The following MYO3B variants were observed in gnomAD, a reference collection of about 807,000 sequenced individuals.
MYO3B encodes myosin-IIIb.
A neutral mutation model predicts 174.6 loss-of-function variants in MYO3B; 156 were observed. That is an observed-to-expected ratio of 0.89 (90% CI 0.78 to 1.02). The LOEUF is 1.02. Among genes scored for constraint, MYO3B ranks in the 50% least tolerant of loss-of-function variants. The probability of loss-of-function intolerance (pLI) is 0.00; values close to 1 mark genes in which losing one functional copy is unlikely to be tolerated. For missense variants in MYO3B, 1,632 were observed against 1,639.4 expected (o/e 1.00, Z 0.08); for synonymous variants, 563 against 569.1 (o/e 0.99, Z 0.15).
chr2:170,632,114 A>G (rs2105387996), intron 32 of MYO3B, among the ~76,000 whole-genome samples: 1 of 152,324 alleles, frequency 6.6e-6, no homozygotes, highest in South Asian at 2.1e-4. Context: ...ACTTGAACTC[A>G]GCTCTGCACC....
chr2:170,515,133 C>T (rs1688227949), intron 29 of MYO3B, 111 bp downstream of exon 29: 2 of 869,522 alleles, frequency 2.3e-6, no homozygotes, highest in Non-Finnish European at 3.5e-6. Context: ...GTCCACCACT[C>T]CTTCTTTTTT....
At chr2:170,471,464 C>A (rs950382298) in intron 25 of MYO3B, among the ~76,000 whole-genome samples, 4 of 152,108 alleles carry the variant, frequency 2.6e-5, no homozygotes, top group Non-Finnish European at 4.4e-5. Flanking sequence ...ACCTAAGAAG[C>A]TATCATCTAA....
chr2:170,630,329 G>C (rs113682737), intron 32 of MYO3B, among the ~76,000 whole-genome samples: 1 of 152,150 alleles, frequency 6.6e-6, no homozygotes, highest in African/African-American at 2.4e-5. Context: ...ATTGCAAGGC[G>C]GCAAGCCTGG....
intron 32 of MYO3B, among the ~76,000 whole-genome samples, chr2:170,649,008 T>C (rs1242242206): frequency 3.8e-5 from 3 of 79,754 alleles, no homozygotes; most frequent in Non-Finnish European, 6.3e-5. Flanking sequence ...TATAAAATAA[T>C]ATATAATGTA....
chr2:170,395,475 G>A (rs1314145554), intron 16 of MYO3B, among the ~76,000 whole-genome samples: 6 of 152,132 alleles, frequency 3.9e-5, no homozygotes, highest in Non-Finnish European at 7.4e-5. Flanking sequence ...TGAGATCGGC[G>A]CAAAATTTCT....
intron 7 of MYO3B, among the ~76,000 whole-genome samples, chr2:170,258,303 A>G (rs1176094825): frequency 6.6e-6 from 1 of 152,188 alleles, no homozygotes; most frequent in Non-Finnish European, 1.5e-5. Flanking sequence ...ATAGATACAA[A>G]AATCCTCAAC....
intron 1 of MYO3B, chr2:170,180,294 C>G (rs1309660158): frequency 3.4e-6 from 1 of 294,640 alleles, no homozygotes; most frequent in Non-Finnish European, 7.4e-6. Context: ...CTCAAATCAG[C>G]TCATGAAAAG....
At chr2:170,310,606 A>G (rs2105468001) in intron 7 of MYO3B, among the ~76,000 whole-genome samples, 1 of 132,892 alleles carries the variant, frequency 7.5e-6, no homozygotes, top group African/African-American at 2.7e-5. Flanking sequence ...TGGAGGTTGG[A>G]GTGAGCCAAG....
intron 8 of MYO3B, chr2:170,340,647 C>T (rs1201345546): frequency 6.6e-6 from 1 of 152,044 alleles, no homozygotes; most frequent in Non-Finnish European, 1.5e-5. Flanking sequence ...TATGATTGAA[C>T]AAAAAAGGCA....
intron 8 of MYO3B, chr2:170,340,751 G>C (rs1398068060): frequency 6.6e-6 from 1 of 152,120 alleles, no homozygotes; most frequent in Non-Finnish European, 1.5e-5. Context: ...TGATTATATG[G>C]CAGGTCACCT....
chr2:170,396,116 G>A lies in MYO3B; in HGVS notation c.1791+3621G>A, dbSNP rs992143617. ...CAGTTGGAGGACTTGGTCTTCTTGA[G>A]TAAAGCTATTCCACTTTATAATATA... is the stretch of plus-strand genomic sequence containing the variant. On this transcript the variant is annotated intron_variant, in intron 16 of 34. Coordinates refer to ENST00000408978, the MANE Select transcript of MYO3B (RefSeq NM_138995.5). 3.3e-5 allele frequency among the ~76,000 whole-genome samples: 5 copies of A among 152,302 alleles called. No homozygotes were observed. The East Asian group carries it at 9.7e-4, about 29-fold the overall frequency.
chr2:170,584,032 A>G (rs1218018848), intron 32 of MYO3B, among the ~76,000 whole-genome samples: 6 of 152,260 alleles, frequency 3.9e-5, no homozygotes, highest in Non-Finnish European at 2.9e-5. Flanking sequence ...TTCTGTCTAT[A>G]GTTACATTTA....
intron 7 of MYO3B, among the ~76,000 whole-genome samples, chr2:170,262,623 C>T (rs1435300055): frequency 6.6e-6 from 1 of 152,054 alleles, no homozygotes; most frequent in African/African-American, 2.4e-5. Context: ...GTTCTGAGGG[C>T]CAGGAAGAAA....
At chr2:170,597,790 G>A (rs759404841) in intron 32 of MYO3B, among the ~76,000 whole-genome samples, 1 of 152,014 alleles carries the variant, frequency 6.6e-6, no homozygotes, top group Non-Finnish European at 1.5e-5. Context: ...CAACATTTTT[G>A]GCTCTGTATT....
rs777765786 is a variant in MYO3B at position 170,400,329 on chromosome 2, T to C, written c.1918+15T>C. ...TTTGCAAAATGGTAATTATTTGATA[T>C]TTGTGGGCTGTGTTGTTGCCAAAGC... is the stretch of plus-strand genomic sequence containing the variant. On this transcript the variant is annotated intron_variant, in intron 17 of 34. Transcript: ENST00000408978. The C allele has an allele frequency of 8.7e-6, 14 of 1,613,792 alleles. 1 individual carries two copies. Among genetic ancestry groups the C allele is most frequent in the Middle Eastern group, 1.6e-4 (1 of 6,062 alleles).
At position 170,609,186 on chromosome 2, in the gene MYO3B, A is replaced by G. The variant is rs144125734; in HGVS notation, c.3734-42442A>G. Among the ~76,000 whole-genome samples the G allele has an allele frequency of 5.4e-3, 828 of 152,338 alleles. 12 individuals carry two copies. The highest frequency in any genetic ancestry group is 0.019 in the African/African-American group (773 of 41,578). ...TGTTCCTTCACAAATGCCACTGTTTACTTCATTAATGAGAAATAGATGCCT... is the reference window on the plus strand; with the variant it reads ...TGTTCCTTCACAAATGCCACTGTTTGCTTCATTAATGAGAAATAGATGCCT... On this transcript the variant is annotated intron_variant, in intron 32 of 34. Transcript: ENST00000408978.
At chr2:170,509,492 C>T (rs1687838867) in intron 28 of MYO3B, among the ~76,000 whole-genome samples, 1 of 152,204 alleles carries the variant, frequency 6.6e-6, no homozygotes, top group Non-Finnish European at 1.5e-5. Flanking sequence ...CAAGTCTTAA[C>T]TTACGTCTTG....
intron 23 of MYO3B, among the ~76,000 whole-genome samples, chr2:170,451,705 A>C (rs1165516260): frequency 6.6e-6 from 1 of 152,214 alleles, no homozygotes; most frequent in Non-Finnish European, 1.5e-5. Flanking sequence ...GAATATACAC[A>C]GAAAAGAAGA....
At chr2:170,200,655 G>C (rs1307447132) in intron 3 of MYO3B, among the ~76,000 whole-genome samples, 1 of 152,144 alleles carries the variant, frequency 6.6e-6, no homozygotes, top group Admixed American at 6.6e-5. Flanking sequence ...GTTTGGATTT[G>C]CCCACTCATG....
Sources: allele counts gnomAD v4.1 joint callset (sites outside exome capture counted in the v4.1 genomes callset), GRCh38; gene constraint gnomAD v4.1.1; transcripts MANE v1.5; gene names NCBI Gene and HGNC (gene_info 2026-07-23, HGNC 2026-07-21).